Variants in PSD3 observed in about 807,000 individuals in gnomAD.
PSD3 encodes the protein pleckstrin and Sec7 domain containing 3.
In PSD3, 49 loss-of-function variants were observed where a neutral mutation model predicts 105.5. The observed-to-expected ratio is 0.46, with a 90% CI of 0.37 to 0.59. PSD3 has a LOEUF of 0.59. PSD3 is among the 20% of genes least tolerant of loss of function. The probability of loss-of-function intolerance (pLI) is 0.00; values close to 1 mark genes in which losing one functional copy is unlikely to be tolerated. For missense variants in PSD3, 1,561 were observed against 1,263.8 expected, an observed-to-expected ratio of 1.24 and a Z score of -3.57; for synonymous variants, 557 against 457.8, an observed-to-expected ratio of 1.22 and a Z score of -2.77.
At chr8:18,611,280 T>TA (rs1410320003) in intron 11 of PSD3, among the ~76,000 whole-genome samples, 1 of 152,034 alleles carries the variant, frequency 6.6e-6, no homozygotes, top group Admixed American at 6.6e-5. Context: ...GTTTTTCTTT[T>TA]AACCTTCACC....
At chr8:19,082,236 C>T (rs1586705909) in intron 1 of PSD3, among the ~76,000 whole-genome samples, 1 of 152,172 alleles carries the variant, frequency 6.6e-6, no homozygotes, top group South Asian at 2.1e-4. Flanking sequence ...TCTAAGGGTG[C>T]TAACTTCCCA....
intron 11 of PSD3, among the ~76,000 whole-genome samples, chr8:18,613,183 C>T (rs765438818): frequency 2.6e-5 from 4 of 152,016 alleles, no homozygotes; most frequent in East Asian, 1.9e-4. Flanking sequence ...CAACACCTGA[C>T]GAAATGCCGC....
chr8:18,859,549 T>G (rs1816277544), intron 4 of PSD3, among the ~76,000 whole-genome samples: 1 of 152,230 alleles, frequency 6.6e-6, no homozygotes. Flanking sequence ...AGATGGCTAT[T>G]TGGTTTACAG....
chr8:18,886,251 T>C (rs890089649), intron 2 of PSD3, among the ~76,000 whole-genome samples: 3 of 152,096 alleles, frequency 2.0e-5, no homozygotes, highest in Non-Finnish European at 4.4e-5. Context: ...GCTTTCTATA[T>C]AAAAATAAAA....
intron 12 of PSD3, among the ~76,000 whole-genome samples, chr8:18,599,790 G>C (rs1171081368): frequency 6.6e-6 from 1 of 152,066 alleles, no homozygotes; most frequent in Non-Finnish European, 1.5e-5. Context: ...GAGTATGTGG[G>C]GACTTTGGTA....
At chr8:18,673,499 T>C (rs887660531) in intron 9 of PSD3, among the ~76,000 whole-genome samples, 5 of 152,164 alleles carry the variant, frequency 3.3e-5, no homozygotes, top group Admixed American at 6.5e-5. Context: ...GGTGCCATGG[T>C]TGGAAGCATG....
intron 9 of PSD3, among the ~76,000 whole-genome samples, chr8:18,667,941 C>G (rs1396173132): frequency 6.6e-6 from 1 of 152,268 alleles, no homozygotes; most frequent in Admixed American, 6.5e-5. Flanking sequence ...AAGCCCCTCA[C>G]TGCCCGAGGC....
chr8:18,666,173 C>A (rs1463817902), intron 9 of PSD3, among the ~76,000 whole-genome samples: 1 of 152,152 alleles, frequency 6.6e-6, no homozygotes, highest in African/African-American at 2.4e-5. Context: ...GCCTTAGCCT[C>A]CTGAGTAGCT....
intron 14 of PSD3, among the ~76,000 whole-genome samples, 199 bp from the exon 15 acceptor site, chr8:18,556,551 A>G (rs1308773397): frequency 6.6e-6 from 1 of 152,174 alleles, no homozygotes; most frequent in Non-Finnish European, 1.5e-5. Flanking sequence ...GATGGCAATC[A>G]AGGCCAACCT....
intron 10 of PSD3, among the ~76,000 whole-genome samples, chr8:18,653,040 GGAT>G (rs755820836): frequency 1.3e-5 from 2 of 152,136 alleles, no homozygotes; most frequent in African/African-American, 2.4e-5. Flanking sequence ...TGATTGAACA[GGAT>G]GATAACAGAG....
At chr8:19,063,785 G>GT (rs571767775) in intron 1 of PSD3, among the ~76,000 whole-genome samples, 66 of 152,128 alleles carry the variant, frequency 4.3e-4, no homozygotes, top group African/African-American at 1.2e-3. Flanking sequence ...AATAAGAGTT[G>GT]TTTTTTTATT....
At chr8:18,588,092 G>T (rs1237436383) in intron 12 of PSD3, among the ~76,000 whole-genome samples, 1 of 152,086 alleles carries the variant, frequency 6.6e-6, no homozygotes, top group Non-Finnish European at 1.5e-5. Context: ...CTGCTGGATG[G>T]CTCGATACCC....
At chr8:18,706,574 C>T (rs1264551283) in intron 9 of PSD3, among the ~76,000 whole-genome samples, 3 of 152,212 alleles carry the variant, frequency 2.0e-5, no homozygotes, top group Admixed American at 1.3e-4. Flanking sequence ...GGTGCCCATC[C>T]ATGCACAATC....
At chr8:18,762,841 T>G (rs1806652639) in intron 9 of PSD3, 1 of 997,330 alleles carries the variant, frequency 1.0e-6, no homozygotes, top group Non-Finnish European at 1.3e-6. Context: ...CTATTTTTTC[T>G]TAACCCTTTC....
At chr8:18,857,127 A>G (rs1352857638) in intron 4 of PSD3, among the ~76,000 whole-genome samples, 1 of 152,174 alleles carries the variant, frequency 6.6e-6, no homozygotes, top group Non-Finnish European at 1.5e-5. Flanking sequence ...AGGAGCACTC[A>G]CTTTCCCAAA....
At chr8:18,745,300 TTCC>T (rs1351251164) in intron 9 of PSD3, among the ~76,000 whole-genome samples, 1 of 152,246 alleles carries the variant, frequency 6.6e-6, no homozygotes, top group Admixed American at 6.5e-5. Flanking sequence ...TATTTGCCAT[TTCC>T]TCCTTTCCTT....
exon 1 of PSD3, chr8:19,084,458 C>G (rs1829745134): frequency 2.2e-6 from 1 of 455,236 alleles, no homozygotes; most frequent in Non-Finnish European, 4.4e-6. Context: ...CCATGCCCCA[C>G]AGATCCTGGG....
Position 18,865,136 on chromosome 8 carries a change from C to G in PSD3, c.1634+2538G>C, listed in dbSNP as rs943275722. 5.3e-5 allele frequency: 8 copies of G among 149,820 alleles called. 1 individual carries two copies. The highest frequency in any genetic ancestry group is 4.0e-4 in the Admixed American group (6 of 14,982). 9.3% of individuals were successfully genotyped at this position (149,820 alleles called of 1,614,324 possible). The stretch of plus-strand genomic sequence containing the variant: ...GAATGAATCCGGCCTAGGAGCCAGA[C>G]AACTTGAATTCTACTACGGTATCTG... On this transcript the variant is annotated intron_variant, in intron 4 of 15. Coordinates refer to ENST00000327040, the MANE Select transcript of PSD3 (RefSeq NM_015310.4).
At chr8:18,622,605 A>G (rs1215675300) in intron 11 of PSD3, among the ~76,000 whole-genome samples, 2 of 152,204 alleles carry the variant, frequency 1.3e-5, no homozygotes, top group Admixed American at 6.5e-5. Flanking sequence ...GGTGTTATTG[A>G]CCAATAAAAA....
Sources: allele counts gnomAD v4.1 joint callset (sites outside exome capture counted in the v4.1 genomes callset), GRCh38; gene constraint gnomAD v4.1.1; transcripts MANE v1.5; gene names NCBI Gene and HGNC (gene_info 2026-07-23, HGNC 2026-07-21).